Variants in RPH3A observed in about 807,000 individuals in gnomAD.
The protein encoded by RPH3A is rabphilin 3A.
A neutral mutation model predicts 102.2 loss-of-function variants in RPH3A; 48 were observed. That is an observed-to-expected ratio of 0.47 (90% CI 0.37 to 0.60). The LOEUF (loss-of-function observed/expected upper bound fraction) is 0.60. Among genes scored for constraint, RPH3A ranks in the 20% least tolerant of loss-of-function variants. The probability of loss-of-function intolerance (pLI) is 0.00; values close to 1 mark genes in which losing one functional copy is unlikely to be tolerated. For missense variants in RPH3A, 781 were observed against 910.1 expected (o/e 0.86, Z 1.83); for synonymous variants, 310 against 324.3 (o/e 0.96, Z 0.47).
chr12:112,888,274 T>G (rs1240247103), intron 17 of RPH3A, among the ~76,000 whole-genome samples: 2 of 152,280 alleles, frequency 1.3e-5, no homozygotes, highest in African/African-American at 4.8e-5. Context: ...TCGGTGTTCT[T>G]GTCTGTAATG....
chr12:112,812,726 C>T (rs1186911446), intron 2 of RPH3A, among the ~76,000 whole-genome samples: 1 of 152,124 alleles, frequency 6.6e-6, no homozygotes, highest in Non-Finnish European at 1.5e-5. Flanking sequence ...ACACACAAAA[C>T]CCCTTTGTAT....
At chr12:112,609,682 T>C (rs1418264966) in intron 1 of RPH3A, among the ~76,000 whole-genome samples, 1 of 152,152 alleles carries the variant, frequency 6.6e-6, no homozygotes, top group African/African-American at 2.4e-5. Flanking sequence ...GCATCCCCAG[T>C]GCCTAGAGTC....
intron 2 of RPH3A, among the ~76,000 whole-genome samples, chr12:112,799,350 T>C (rs1030773524): frequency 6.6e-6 from 1 of 152,198 alleles, no homozygotes; most frequent in African/African-American, 2.4e-5. Context: ...GTTGTGCCAC[T>C]GTACTACAGC....
intron 1 of RPH3A, among the ~76,000 whole-genome samples, chr12:112,578,227 C>T (rs1243201769): frequency 6.6e-6 from 1 of 152,098 alleles, no homozygotes; most frequent in African/African-American, 2.4e-5. Context: ...GCAAAGGTAA[C>T]AGGGTTTCTC....
intron 4 of RPH3A, among the ~76,000 whole-genome samples, chr12:112,843,283 T>C (rs1027646765): frequency 1.2e-4 from 18 of 152,156 alleles, no homozygotes; most frequent in African/African-American, 4.3e-4. Flanking sequence ...TTTCTGTCTG[T>C]TTGCTTCTGG....
chr12:112,870,679 T>C (rs546242203), intron 10 of RPH3A, among the ~76,000 whole-genome samples: 75 of 152,324 alleles, frequency 4.9e-4, no homozygotes, highest in Non-Finnish European at 4.4e-4. Context: ...CTAAGTCAGA[T>C]TGGCTGAATA....
intron 1 of RPH3A, among the ~76,000 whole-genome samples, chr12:112,579,467 C>G (rs1403912192): frequency 6.6e-6 from 1 of 152,156 alleles, no homozygotes; most frequent in African/African-American, 2.4e-5. Context: ...CTTCTCTTCT[C>G]AAATTCCCAC....
At chr12:112,785,038 C>A (rs2041037121) in intron 1 of RPH3A, among the ~76,000 whole-genome samples, 2 of 152,030 alleles carry the variant, frequency 1.3e-5, no homozygotes, top group African/African-American at 4.8e-5. Context: ...ACCTGACCAA[C>A]ATGGAGAAAC....
chr12:112,845,437 C>T (rs2042213783), intron 4 of RPH3A, among the ~76,000 whole-genome samples: 1 of 152,180 alleles, frequency 6.6e-6, no homozygotes, highest in African/African-American at 2.4e-5. Flanking sequence ...CAGCTTGCTT[C>T]TGCAAACTTT....
intron 4 of RPH3A, chr12:112,842,081 C>T: frequency 2.2e-6 from 1 of 454,916 alleles, no homozygotes; most frequent in South Asian, 1.6e-5. Flanking sequence ...TGTTTCATTC[C>T]ATTGGGTTCT....
chr12:112,694,650 G>GCACACACA (rs71086119), intron 1 of RPH3A, among the ~76,000 whole-genome samples: 155 of 98,596 alleles, frequency 1.6e-3, no homozygotes, highest in Middle Eastern at 5.1e-3. Context: ...GCGCGCACAC[G>GCACACACA]CACACACACA....
intron 1 of RPH3A, among the ~76,000 whole-genome samples, chr12:112,727,020 C>G (rs953152326): frequency 5.9e-5 from 9 of 151,848 alleles, no homozygotes; most frequent in African/African-American, 2.2e-4. Flanking sequence ...CAGACTCCAT[C>G]TCCAATAAAT....
chr12:112,843,735 G>T (rs1731195764), intron 4 of RPH3A, among the ~76,000 whole-genome samples: 3 of 152,144 alleles, frequency 2.0e-5, no homozygotes, highest in Non-Finnish European at 2.9e-5. Flanking sequence ...CTTTGTAATG[G>T]CAGGAAATAA....
At chr12:112,759,175 C>T (rs139361274) in intron 1 of RPH3A, among the ~76,000 whole-genome samples, 2 of 152,206 alleles carry the variant, frequency 1.3e-5, no homozygotes, top group African/African-American at 4.8e-5. Context: ...AACAAAACAC[C>T]ATAGTGTAAA....
chr12:112,613,075 C>T (rs147076418), intron 1 of RPH3A, among the ~76,000 whole-genome samples: 2 of 152,180 alleles, frequency 1.3e-5, no homozygotes, highest in South Asian at 2.1e-4. Flanking sequence ...CCTTTCTCTA[C>T]ATAACCTCAT....
At chr12:112,618,378 G>A (rs531786037) in intron 1 of RPH3A, among the ~76,000 whole-genome samples, 2 of 152,044 alleles carry the variant, frequency 1.3e-5, no homozygotes, top group African/African-American at 2.4e-5. Flanking sequence ...TGCTTCAATC[G>A]CAAGCCCAGT....
At chr12:112,811,080 G>A (rs941601386) in intron 2 of RPH3A, among the ~76,000 whole-genome samples, 1 of 152,052 alleles carries the variant, frequency 6.6e-6, no homozygotes, top group Non-Finnish European at 1.5e-5. Flanking sequence ...AGTAAATACT[G>A]AACCACATTG....
intron 1 of RPH3A, among the ~76,000 whole-genome samples, chr12:112,755,711 C>T (rs1046921596): frequency 2.0e-5 from 3 of 151,984 alleles, no homozygotes; most frequent in Non-Finnish European, 2.9e-5. Context: ...AGAAGAGCCG[C>T]CCTGCTGAGC....
At chr12:112,703,464 G>A (rs1418486911) in intron 1 of RPH3A, among the ~76,000 whole-genome samples, 1 of 152,164 alleles carries the variant, frequency 6.6e-6, no homozygotes, top group African/African-American at 2.4e-5. Context: ...CTGCAGTACT[G>A]AAGCCATCCT....
Sources: allele counts gnomAD v4.1 joint callset (sites outside exome capture counted in the v4.1 genomes callset), GRCh38; gene constraint gnomAD v4.1.1; transcripts MANE v1.5; gene names NCBI Gene and HGNC (gene_info 2026-07-23, HGNC 2026-07-21).